DEFB129: variants seen among roughly 807,000 people sequenced by gnomAD.
DEFB129 encodes the protein beta-defensin 129.
A neutral mutation model predicts 2.5 loss-of-function variants in DEFB129; 2 were observed. The ratio of observed to expected loss-of-function variants is 0.80; its 90% CI spans 0.33 to 2.53. The LOEUF (loss-of-function observed/expected upper bound fraction) is 2.53. Ranked by LOEUF, DEFB129 falls within the 30% of genes most tolerant of loss-of-function variation. The pLI is 0.11. For synonymous variants in DEFB129, 76 were observed against 74.4 expected (o/e 1.02, Z -0.11); for missense variants, 177 against 216.9 (o/e 0.82, Z 1.16).
chr20:229,275 C>A lies in DEFB129; in HGVS notation c.59-3C>A, dbSNP rs779336166. ...CTCAATGGCTTTCTCTTTTTTTATA[C>A]AGAATTTATTGGCTTGAGACGCTGT... is the stretch of plus-strand genomic sequence containing the variant. On this transcript the variant is annotated splice_polypyrimidine_tract_variant and splice_region_variant and intron_variant, in intron 1 of 1. Coordinates refer to ENST00000246105, the MANE Select transcript of DEFB129 (RefSeq NM_080831.4). 1 of 1,560,808 alleles carries A rather than the reference C, an allele frequency of 6.4e-7. No homozygotes were observed.
chr20:229,172 G>A (rs1036622158), intron 1 of DEFB129, 106 bp from the exon 2 acceptor site: 79 of 1,409,524 alleles, frequency 5.6e-5, no homozygotes, highest in Non-Finnish European at 7.1e-5. Context: ...GGCTTAAAAT[G>A]TAGTATGAGT....
intron 1 of DEFB129, 53 bp downstream of exon 1, chr20:227,399 G>A: frequency 6.3e-7 from 1 of 1,599,496 alleles, no homozygotes; most frequent in South Asian, 1.1e-5. Flanking sequence ...CCAAGGATTT[G>A]GCTGCCCATG....
At chr20:228,565 C>T (rs914513554) in intron 1 of DEFB129, among the ~76,000 whole-genome samples, 1 of 152,112 alleles carries the variant, frequency 6.6e-6, no homozygotes, top group African/African-American at 2.4e-5. Flanking sequence ...GGGAGAAAAG[C>T]TTTCTTGATT....
chr20:227,579 G>T (rs73568312), intron 1 of DEFB129, among the ~76,000 whole-genome samples: 1 of 152,116 alleles, frequency 6.6e-6, no homozygotes, highest in Non-Finnish European at 1.5e-5. Flanking sequence ...GGTATTTTTT[G>T]TCTATTCAGA....
chr20:229,578 C>T lies in DEFB129; in HGVS notation c.359C>T (p.Pro120Leu), dbSNP rs1029367692. 5 of 1,614,144 alleles carry T rather than the reference C, an allele frequency of 3.1e-6. No homozygotes were observed. Among genetic ancestry groups the T allele is most frequent in the Non-Finnish European group, 4.2e-6 (5 of 1,180,024 alleles). The change falls in exon 2 of 2, where the codon CCA becomes CTA. Residue 120 changes from proline to leucine, a missense_variant. Pro to Leu is a moderately conservative substitution (Grantham distance 98, BLOSUM62 -3). Coordinates refer to ENST00000246105, the MANE Select transcript of DEFB129 (RefSeq NM_080831.4). ...GCTAATACCAACTTTGTCATCATTC[C>T]AAATGCCACCCCTATGAACTCTGCC... is the stretch of plus-strand genomic sequence containing the variant. ...FFANTNFVII[P>L]NATPMNSATI...
chr20:228,856 G>A (rs1408608370), intron 1 of DEFB129, among the ~76,000 whole-genome samples: 1 of 152,130 alleles, frequency 6.6e-6, no homozygotes, highest in Non-Finnish European at 1.5e-5. Context: ...TAAGACTCCT[G>A]AAAATTCTAT....
At position 227,328 on chromosome 20, in the gene DEFB129, C is replaced by T. The variant is rs1485677636; in HGVS notation, c.40C>T (p.Gln14Ter). 1 of 1,614,024 alleles carries T rather than the reference C, an allele frequency of 6.2e-7. No homozygotes were observed. The highest frequency in any genetic ancestry group is 1.3e-5 in the African/African-American group (1 of 74,920). Residue 14 changes from glutamine (Q) to a stop codon, truncating the protein, a stop_gained, in exon 1 of 2, where the codon CAG (glutamine) becomes TAG (stop). Coordinates refer to ENST00000246105, the MANE Select transcript of DEFB129 (RefSeq NM_080831.4). LOFTEE classifies it low-confidence loss of function (END_TRUNC). The stretch of plus-strand genomic sequence containing the variant: ...TCCTATCTTTGCCAGCCTCATGCTA[C>T]AGTACCAGGTGAACACAGGTAATGT... Reference protein sequence around the residue: ...LFPIFASLMLQYQVNTEFIGL... With the variant: ...LFPIFASLML
intron 1 of DEFB129, among the ~76,000 whole-genome samples, 161 bp from the exon 2 acceptor site, chr20:229,117 G>A (rs985333910): frequency 1.3e-5 from 2 of 152,166 alleles, no homozygotes; most frequent in Admixed American, 6.5e-5. Flanking sequence ...GCATAGAGAC[G>A]CTCTCAGCCT....
At chr20:228,923 T>C (rs546376041) in intron 1 of DEFB129, among the ~76,000 whole-genome samples, 61 of 152,334 alleles carry the variant, frequency 4.0e-4, no homozygotes, top group Admixed American at 1.4e-3. Flanking sequence ...TGGCTCTCAT[T>C]GGTATTTCCC....
At chr20:228,354 C>G (rs996406554) in intron 1 of DEFB129, among the ~76,000 whole-genome samples, 2 of 152,184 alleles carry the variant, frequency 1.3e-5, no homozygotes, top group Non-Finnish European at 2.9e-5. Context: ...TGGGTAAAGT[C>G]ACTTAACCAC....
chr20:229,761 A>G lies in DEFB129; in HGVS notation c.542A>G (p.Glu181Gly). The G allele has an allele frequency of 7.5e-6, 12 of 1,608,194 alleles. No homozygotes were observed. Among genetic ancestry groups the G allele is most frequent in the Non-Finnish European group, 9.3e-6 (11 of 1,179,318 alleles). ...CCATCACTGGAGCTAGAGGAAGCAG[A>G]AGAGCAGTAATGTGGATCTTTCCCT... ...PTPSLELEEA[E>G]EQ is the part of the protein sequence containing the mutation. The change falls in exon 2 of 2, where the codon GAA (glutamate) becomes GGA (glycine). Residue 181 changes from glutamate to glycine, a missense_variant. Coordinates refer to ENST00000246105, the MANE Select transcript of DEFB129 (RefSeq NM_080831.4).
At position 229,235 on chromosome 20, in the gene DEFB129, A is replaced by C. The variant is rs776790645; in HGVS notation, c.59-43A>C. On this transcript the variant is annotated intron_variant, in intron 1 of 1. Coordinates refer to ENST00000246105, the MANE Select transcript of DEFB129 (RefSeq NM_080831.4). ...CACTAGCAGTTTTAACATCATCTCT[A>C]GTTATTAACCTTGGCTCAATGGCTT... 36 of 1,534,370 alleles carry C rather than the reference A, an allele frequency of 2.3e-5. No homozygotes were observed. In the East Asian group the frequency reaches 5.4e-4, roughly 23 times the overall value.
At chr20:229,090 C>T (rs537807291) in intron 1 of DEFB129, among the ~76,000 whole-genome samples, 188 bp from the exon 2 acceptor site, 5 of 152,292 alleles carry the variant, frequency 3.3e-5, no homozygotes, top group African/African-American at 1.2e-4. Flanking sequence ...AGGAAATTTA[C>T]TTTGGATTCA....
chr20:229,584 C>T lies in DEFB129; in HGVS notation c.365C>T (p.Ala122Val), dbSNP rs79468308. ...ANTNFVIIPNATPMNSATIST... is the reference protein window; with the variant it reads ...ANTNFVIIPNVTPMNSATIST... Reference sequence around the variant, plus strand: ...ACCAACTTTGTCATCATTCCAAATGCCACCCCTATGAACTCTGCCACCATC... The same window carrying T: ...ACCAACTTTGTCATCATTCCAAATGTCACCCCTATGAACTCTGCCACCATC... Residue 122 changes from alanine (A) to valine (V), a missense_variant, in exon 2 of 2, where the codon GCC becomes GTC. Physicochemically the swap from Ala to Val is moderately conservative, Grantham distance 64. Transcript: ENST00000246105. 2.4e-3 allele frequency: 3,921 copies of T among 1,614,150 alleles called. 141 individuals are homozygous for T. The East Asian group carries it at 0.071, about 29-fold the overall frequency.
At position 227,356 on chromosome 20, in the gene DEFB129, A is replaced by T. The variant is rs1600168162; in HGVS notation, c.58+10A>T. 1 of 1,614,106 alleles carries T rather than the reference A, an allele frequency of 6.2e-7. No individual in the cohort carries two copies. Among genetic ancestry groups the T allele is most frequent in the East Asian group, 2.2e-5 (1 of 44,878 alleles). On this transcript the variant is annotated intron_variant, in intron 1 of 1. Coordinates refer to ENST00000246105, the MANE Select transcript of DEFB129 (RefSeq NM_080831.4). The stretch of plus-strand genomic sequence containing the variant: ...TACCAGGTGAACACAGGTAATGTGG[A>T]TTCCCAAGTTTAAGATGGGTAGATG...
At chr20:227,646 C>G (rs142086445) in intron 1 of DEFB129, among the ~76,000 whole-genome samples, 11 of 152,218 alleles carry the variant, frequency 7.2e-5, no homozygotes, top group Admixed American at 2.6e-4. Context: ...CATGCTAAGA[C>G]TAAGCCCAGG....
intron 1 of DEFB129, among the ~76,000 whole-genome samples, 186 bp downstream of exon 1, chr20:227,532 T>C (rs1427761318): frequency 6.6e-6 from 1 of 152,176 alleles, no homozygotes; most frequent in African/African-American, 2.4e-5. Context: ...CCAGATTGTG[T>C]CCAGTGGAAA....
At position 227,307 on chromosome 20, in the gene DEFB129, A is replaced by T; in HGVS notation, c.19A>T (p.Ile7Phe). The T allele has an allele frequency of 1.2e-6, 2 of 1,614,106 alleles. No homozygotes were observed. The highest frequency in any genetic ancestry group is 1.7e-6 in the Non-Finnish European group (2 of 1,179,982). ...CCCAACCATGAAGCTCCTTTTTCCT[A>T]TCTTTGCCAGCCTCATGCTACAGTA... is the stretch of plus-strand genomic sequence containing the variant. MKLLFP[I>F]FASLMLQYQV... Residue 7 changes from isoleucine (I) to phenylalanine (F), a missense_variant, in exon 1 of 2, where the codon ATC becomes TTC. Ile to Phe is a conservative substitution (Grantham distance 21, BLOSUM62 0). Coordinates refer to ENST00000246105, the MANE Select transcript of DEFB129 (RefSeq NM_080831.4).
chr20:227,958 T>G (rs1040977637), intron 1 of DEFB129, among the ~76,000 whole-genome samples: 1 of 152,054 alleles, frequency 6.6e-6, no homozygotes, highest in South Asian at 2.1e-4. Flanking sequence ...TCTTCCCTCA[T>G]GCTCAAAAAA....
Sources: gnomAD v4.1 joint callset for allele counts (sites outside exome capture counted in the v4.1 genomes callset) on GRCh38, gnomAD v4.1.1 for gene constraint, MANE v1.5 for transcripts, NCBI Gene and HGNC (gene_info 2026-07-23, HGNC 2026-07-21) for gene names.